OR2A14: variants seen among roughly 807,000 people sequenced by gnomAD.
The protein encoded by OR2A14 is olfactory receptor family 2 subfamily A member 14.
OR2A14 carries 2 observed loss-of-function variants against 2.4 expected under a neutral mutation model. The ratio of observed to expected loss-of-function variants is 0.85; its 90% confidence interval spans 0.35 to 2.67. OR2A14 has a LOEUF of 2.67. Ranked by LOEUF, OR2A14 falls within the 30% of genes most tolerant of loss-of-function variation. OR2A14 has a pLI of 0.10. For synonymous variants in OR2A14, 160 were observed against 156.3 expected, an observed-to-expected ratio of 1.02 and a Z score of -0.18; for missense variants, 390 against 379.4, an observed-to-expected ratio of 1.03 and a Z score of -0.23.
In OR2A14 at chr7:144,123,248, C is replaced by G. The variant is rs1003316527; in HGVS notation, c.-51C>G. The G allele has an allele frequency of 1.3e-5, 2 of 152,132 alleles. No individual in the cohort carries two copies. Among genetic ancestry groups the G allele is most frequent in the South Asian group, 2.1e-4 (1 of 4,818 alleles). 9.4% of individuals were successfully genotyped at this position (152,132 alleles called of 1,614,324 possible). A position where few individuals can be genotyped will look rare whatever the true frequency, so the allele number is the denominator to read the frequency against. The stretch of plus-strand genomic sequence containing the variant: ...CCCAAGGGTATGTTAGAAGAAAAGA[C>G]CACAGATTATTGTACTGTAAGTAAA... On this transcript the variant is annotated 5_prime_UTR_variant, in exon 1 of 2. Transcript: ENST00000641068.
Position 144,130,087 on chromosome 7 carries a change from G to C in OR2A14, c.*42G>C. The C allele has an allele frequency of 6.8e-7, 1 of 1,467,424 alleles. No individual in the cohort carries two copies. The highest frequency in any genetic ancestry group is 9.2e-7 in the Non-Finnish European group (1 of 1,091,332). The allele number at this position is 1,467,424 out of a possible 1,614,324, so 90.9% of individuals were successfully genotyped here. A position where few individuals can be genotyped will look rare whatever the true frequency, so the allele number is the denominator to read the frequency against. On this transcript the variant is annotated 3_prime_UTR_variant, in exon 2 of 2. Coordinates refer to ENST00000641068, the MANE Select transcript of OR2A14 (RefSeq NM_001001659.3). ...CCATGGGGAGGGAGCCTTGCTCCCT[G>C]CAAAATATAGAAGTTGGCTTTTTTT...
intron 1 of OR2A14, among the ~76,000 whole-genome samples, chr7:144,127,396 G>C (rs2051489192): frequency 6.6e-6 from 1 of 152,038 alleles, no homozygotes; most frequent in Non-Finnish European, 1.5e-5. Flanking sequence ...GTTAAAATAG[G>C]GATAAAAACC....
Position 144,129,888 on chromosome 7 carries a change from T to G in OR2A14, c.776T>G (p.Met259Arg), listed in dbSNP as rs1385807912. The G allele has an allele frequency of 1.2e-6, 2 of 1,614,100 alleles. No individual in the cohort carries two copies. The highest frequency in any genetic ancestry group is 1.7e-6 in the Non-Finnish European group (2 of 1,180,038). Residue 259 changes from methionine (M) to arginine (R), a missense_variant, in exon 2 of 2, where the codon ATG becomes AGG. Coordinates refer to ENST00000641068, the MANE Select transcript of OR2A14 (RefSeq NM_001001659.3). The stretch of plus-strand genomic sequence containing the variant: ...TTTGGCAGCGCCATTGTCACGTACA[T>G]GGCCCCCAAGTCCCGCCATCCTGAG... ...LFFGSAIVTY[M>R]APKSRHPEEQ... is the part of the protein sequence containing the mutation.
rs1420284410 is a variant in OR2A14, at chr7:144,129,277, C to T, written c.165C>T (p.His55=). The part of the protein sequence containing the change: ...FGIICLDCKL[H]TPMYFFLSHL... ...TTATCTGCCTGGACTGTAAGCTTCA[C>T]ACACCCATGTACTTCTTCCTCTCAC... Residue 55 remains histidine (H), a synonymous_variant, in exon 2 of 2, where the codon CAC becomes CAT. Coordinates refer to ENST00000641068, the MANE Select transcript of OR2A14 (RefSeq NM_001001659.3). 8.1e-6 allele frequency: 13 copies of T among 1,614,108 alleles called. No individual in the cohort carries two copies. The highest frequency in any genetic ancestry group is 1.0e-5 in the Non-Finnish European group (12 of 1,180,042).
chr7:144,129,457 G>T lies in OR2A14; in HGVS notation c.345G>T (p.Val115=). The T allele has an allele frequency of 1.2e-6, 2 of 1,614,056 alleles. No homozygotes were observed. Among genetic ancestry groups the T allele is most frequent in the Non-Finnish European group, 1.7e-6 (2 of 1,179,962 alleles). The change falls in exon 2 of 2, where the codon GTG becomes GTT. Residue 115 remains valine (V), a synonymous_variant. Coordinates refer to ENST00000641068, the MANE Select transcript of OR2A14 (RefSeq NM_001001659.3). Reference sequence around the variant, plus strand: ...CTCACGTAGAGTGTCTGATTTTGGTGGTGATGTCCTATGATCGCTATGCGG... The same window carrying T: ...CTCACGTAGAGTGTCTGATTTTGGTTGTGATGTCCTATGATCGCTATGCGG... ...AFAHVECLIL[V]VMSYDRYADI...
chr7:144,128,855 A>C (rs1229462460), intron 1 of OR2A14, among the ~76,000 whole-genome samples: 6 of 152,172 alleles, frequency 3.9e-5, no homozygotes, highest in Admixed American at 3.3e-4. Context: ...CTGTTTTGTT[A>C]TATTTTATTA....
At chr7:144,126,729 G>A (rs1318627840) in intron 1 of OR2A14, among the ~76,000 whole-genome samples, 1 of 152,068 alleles carries the variant, frequency 6.6e-6, no homozygotes, top group South Asian at 2.1e-4. Context: ...TGGAAAAAAT[G>A]AGTTGAATAA....
intron 1 of OR2A14, among the ~76,000 whole-genome samples, chr7:144,123,998 C>T (rs187363380): frequency 5.4e-4 from 82 of 151,600 alleles, no homozygotes; most frequent in Middle Eastern, 6.8e-3. Context: ...TGAGTTAATG[C>T]ATTTAATCCT....
chr7:144,124,095 C>T (rs2051464708), intron 1 of OR2A14, among the ~76,000 whole-genome samples: 1 of 152,126 alleles, frequency 6.6e-6, no homozygotes, highest in South Asian at 2.1e-4. Context: ...AGTCATAAAG[C>T]TAGTATGCAG....
chr7:144,125,360 A>G (rs1441197261), intron 1 of OR2A14, among the ~76,000 whole-genome samples: 1 of 152,160 alleles, frequency 6.6e-6, no homozygotes, highest in Non-Finnish European at 1.5e-5. Flanking sequence ...ATTGTTCTGT[A>G]ATGTGTAACT....
At chr7:144,128,930 A>G (rs2051504133) in intron 1 of OR2A14, 149 bp from the exon 2 acceptor site, 2 of 576,260 alleles carry the variant, frequency 3.5e-6, no homozygotes, top group African/African-American at 2.1e-5. Context: ...ATGTATTCTT[A>G]TTATTCCATT....
At position 144,129,662 on chromosome 7, in the gene OR2A14, C is replaced by T; in HGVS notation, c.550C>T (p.Leu184Phe). 6.2e-7 allele frequency: 1 copy of T among 1,614,088 alleles called. No individual in the cohort carries two copies. The highest frequency in any genetic ancestry group is 8.5e-7 in the Non-Finnish European group (1 of 1,180,010). The change falls in exon 2 of 2, where the codon CTC becomes TTC. Residue 184 changes from leucine (L) to phenylalanine (F), a missense_variant. Transcript: ENST00000641068. ...NHFFCEILSV[L>F]KLACADTWLN... ...CTTCTTCTGTGAAATCCTGTCTGTC[C>T]TCAAGTTGGCCTGTGCTGACACCTG...
chr7:144,125,767 CT>C (rs1269402294), intron 1 of OR2A14, among the ~76,000 whole-genome samples: 27 of 152,302 alleles, frequency 1.8e-4, no homozygotes, highest in African/African-American at 6.5e-4. Context: ...TTATTCTAGG[CT>C]GCTGGGGTTT....
intron 1 of OR2A14, among the ~76,000 whole-genome samples, chr7:144,127,443 C>T (rs1563053182): frequency 6.6e-6 from 1 of 152,086 alleles, no homozygotes; most frequent in Non-Finnish European, 1.5e-5. Flanking sequence ...TGCAATTTCA[C>T]TTTTAGAATA....
chr7:144,129,658 T>A lies in OR2A14; in HGVS notation c.546T>A (p.Ser182=). 1 of 1,614,100 alleles carries A rather than the reference T, an allele frequency of 6.2e-7. No individual in the cohort carries two copies. Among genetic ancestry groups the A allele is most frequent in the Non-Finnish European group, 8.5e-7 (1 of 1,180,000 alleles). ...EINHFFCEIL[S]VLKLACADTW... is the part of the protein sequence containing the mutation. The stretch of plus-strand genomic sequence containing the variant: ...ACCACTTCTTCTGTGAAATCCTGTC[T>A]GTCCTCAAGTTGGCCTGTGCTGACA... Residue 182 remains serine, a synonymous_variant, in exon 2 of 2, where the codon TCT becomes TCA. Transcript: ENST00000641068.
chr7:144,129,873 C>T lies in OR2A14; in HGVS notation c.761C>T (p.Ala254Val). Residue 254 changes from alanine (A) to valine (V), a missense_variant, in exon 2 of 2, where the codon GCC (alanine) becomes GTC (valine). Transcript: ENST00000641068. The part of the protein sequence containing the change: ...LCVVGLFFGS[A>V]IVTYMAPKSR... The stretch of plus-strand genomic sequence containing the variant: ...GTGGTGGGACTCTTCTTTGGCAGCG[C>T]CATTGTCACGTACATGGCCCCCAAG... The T allele has an allele frequency of 1.2e-6, 2 of 1,614,230 alleles. No homozygotes were observed. The highest frequency in any genetic ancestry group is 1.7e-5 in the Admixed American group (1 of 60,030).
rs1298798745 is a variant in OR2A14 at position 144,129,628 on chromosome 7, A to T, written c.516A>T (p.Glu172Asp). ...ILSLPFCGPH[E>D]INHFFCEILS... ...GCCTGCCCTTCTGCGGGCCTCATGA[A>T]ATCAACCACTTCTTCTGTGAAATCC... The change falls in exon 2 of 2, where the codon GAA becomes GAT. Residue 172 changes from glutamate (E) to aspartate (D), a missense_variant. Coordinates refer to ENST00000641068, the MANE Select transcript of OR2A14 (RefSeq NM_001001659.3). 6.4e-7 allele frequency: 1 copy of T among 1,569,508 alleles called. No homozygotes were observed. Among genetic ancestry groups the T allele is most frequent in the Non-Finnish European group, 8.6e-7 (1 of 1,160,930 alleles).
chr7:144,129,066 G>T lies in OR2A14; in HGVS notation c.-34-13G>T. On this transcript the variant is annotated splice_polypyrimidine_tract_variant and intron_variant, in intron 1 of 1. Transcript: ENST00000641068. ...CTAAGTGCTCCCTCTGTGCATCTTT[G>T]ACTGGCCCACAGCTCTGACCTTCCT... 1.4e-6 allele frequency: 2 copies of T among 1,454,594 alleles called. No individual in the cohort carries two copies. Among genetic ancestry groups the T allele is most frequent in the South Asian group, 1.3e-5 (1 of 78,744 alleles). The allele number at this position is 1,454,594 out of a possible 1,614,324, so 90.1% of individuals were successfully genotyped here.
At chr7:144,126,508 T>A (rs927894944) in intron 1 of OR2A14, among the ~76,000 whole-genome samples, 1 of 152,154 alleles carries the variant, frequency 6.6e-6, no homozygotes, top group South Asian at 2.1e-4. Flanking sequence ...GTGGCCTTCA[T>A]GGTTTAGGTT....
Sources: gnomAD v4.1 joint callset for allele counts (sites outside exome capture counted in the v4.1 genomes callset) on GRCh38, gnomAD v4.1.1 for gene constraint, MANE v1.5 for transcripts, NCBI Gene and HGNC (gene_info 2026-07-23, HGNC 2026-07-21) for gene names.